TRAPPC10: variants seen among roughly 807,000 people sequenced by gnomAD.
TRAPPC10 encodes TRAPP 130 kDa subunit.
TRAPPC10 carries 23 observed loss-of-function variants against 125.5 expected under a neutral mutation model. That is an observed-to-expected ratio of 0.18 (90% CI 0.13 to 0.26). The LOEUF (loss-of-function observed/expected upper bound fraction) is 0.26, where lower values mean the gene tolerates loss of function less well. Ranked by LOEUF, TRAPPC10 falls within the 10% of genes least tolerant of loss-of-function variation. TRAPPC10 has a pLI of 1.00. For missense variants in TRAPPC10, 1,123 were observed against 1,308.4 expected, an observed-to-expected ratio of 0.86 and a Z score of 2.19; for synonymous variants, 509 against 518.0, an observed-to-expected ratio of 0.98 and a Z score of 0.24.
chr21:44,029,689 A>C (rs1256538384), intron 1 of TRAPPC10, among the ~76,000 whole-genome samples: 1 of 152,208 alleles, frequency 6.6e-6, no homozygotes, highest in Non-Finnish European at 1.5e-5. Context: ...GACCAGGTCC[A>C]GGCAGCCACA....
In TRAPPC10 at chr21:44,087,964, G is replaced by GCGTCCGC. The variant is rs2038260228; in HGVS notation, c.2769+39_2769+45dup. On this transcript the variant is annotated intron_variant, in intron 17 of 22. Transcript: ENST00000291574. The surrounding 1 kb of genome is among the most constrained non-coding windows in gnomAD (Gnocchi z 4.6). Reference sequence around the variant, plus strand: ...ACAGTGGAGGAGCTTAGCTTGTGGGGCGTCCGCCGCCCGCCTGCCTGCTGG... The same window carrying GCGTCCGC: ...ACAGTGGAGGAGCTTAGCTTGTGGGGCGTCCGCCGTCCGCCGCCCGCCTGCCTGCTGG... 2 of 1,553,164 alleles carry GCGTCCGC rather than the reference G, an allele frequency of 1.3e-6. No homozygotes were observed. Among genetic ancestry groups the GCGTCCGC allele is most frequent in the Admixed American group, 3.7e-5 (2 of 53,840 alleles).
rs1217793422 is a variant in TRAPPC10, at chr21:44,017,599, AT to A, written c.67+5040del. Among the ~76,000 whole-genome samples, 14 of 152,270 alleles carry A rather than the reference AT, an allele frequency of 9.2e-5. 1 individual carries two copies. In the East Asian group the frequency reaches 1.9e-3, roughly 21 times the overall value. ...CCTAACAAGAGCTGTTTGAAAAAAA[AT>A]ATATATAAGTTGGAAGAAAAAAATA... On this transcript the variant is annotated intron_variant, in intron 1 of 22. Coordinates refer to ENST00000291574, the MANE Select transcript of TRAPPC10 (RefSeq NM_003274.5).
intron 2 of TRAPPC10, among the ~76,000 whole-genome samples, chr21:44,036,960 A>C (rs1282538704): frequency 1.3e-5 from 2 of 152,340 alleles, no homozygotes; most frequent in Non-Finnish European, 1.5e-5. Context: ...AAACTTGATT[A>C]ATCTCCCAAA....
At position 44,016,808 on chromosome 21, in the gene TRAPPC10, G is replaced by A. The variant is rs533338476; in HGVS notation, c.67+4248G>A. 1.1e-4 allele frequency among the ~76,000 whole-genome samples: 16 copies of A among 152,194 alleles called. No homozygotes were observed. The South Asian group carries it at 1.9e-3, about 18-fold the overall frequency. ...CGAGTAGCTGGGACTACAGGCGCCC[G>A]CCACCACGCCTGGCTAATTTTTTGT... On this transcript the variant is annotated intron_variant, in intron 1 of 22. Transcript: ENST00000291574.
chr21:44,095,023 A>G (rs976008554), intron 20 of TRAPPC10, among the ~76,000 whole-genome samples: 1 of 148,670 alleles, frequency 6.7e-6, no homozygotes, highest in Admixed American at 6.7e-5. Flanking sequence ...AAATAATAGT[A>G]TATATTATAA....
intron 18 of TRAPPC10, 129 bp from the exon 19 acceptor site, chr21:44,091,794 A>G (rs2038599633): frequency 1.1e-6 from 1 of 910,432 alleles, no homozygotes; most frequent in Non-Finnish European, 1.6e-6. Flanking sequence ...AACTTATGCA[A>G]CAACTTAGCT....
Position 44,086,947 on chromosome 21 carries a change from C to T in TRAPPC10, c.2526C>T (p.Tyr842=), listed in dbSNP as rs1187174558. 4 of 1,614,100 alleles carry T rather than the reference C, an allele frequency of 2.5e-6. No homozygotes were observed. The East Asian group carries it at 8.9e-5, about 36-fold the overall frequency. The change falls in exon 16 of 23, where the codon TAC becomes TAT. Residue 842 remains tyrosine (Y), a synonymous_variant. Transcript: ENST00000291574. ...AGGCGGAGAGCAGGGCTGTGGTCTA[C>T]TCCAACACGAGAGGTGAGGTGCCGC... The part of the protein sequence containing the change: ...LCQAESRAVV[Y]SNTREQSSEA...
chr21:44,040,770 CT>C (rs57750878), intron 3 of TRAPPC10, among the ~76,000 whole-genome samples: 47,284 of 135,214 alleles, frequency 0.35, 12,287 homozygotes, highest in African/African-American at 0.75. Context: ...CCACGCCTGC[CT>C]TTTTTTTTTT....
intron 1 of TRAPPC10, among the ~76,000 whole-genome samples, chr21:44,027,259 C>T (rs868057055): frequency 1.8e-4 from 28 of 151,998 alleles, no homozygotes; most frequent in African/African-American, 5.8e-4. Flanking sequence ...TTTAGGAAAG[C>T]GACAAACTGA....
intron 3 of TRAPPC10, among the ~76,000 whole-genome samples, chr21:44,046,127 T>A (rs2034788543): frequency 6.6e-6 from 1 of 152,188 alleles, no homozygotes; most frequent in Non-Finnish European, 1.5e-5. Flanking sequence ...TGCTTCAGAA[T>A]CAATAGCTTC....
intron 1 of TRAPPC10, among the ~76,000 whole-genome samples, chr21:44,016,871 G>A (rs570049524): frequency 7.9e-5 from 12 of 152,212 alleles, no homozygotes; most frequent in Admixed American, 2.0e-4. Context: ...TGTCAGCCAG[G>A]ATGGTCTTGA....
chr21:44,030,627 C>T (rs191178733), intron 1 of TRAPPC10, among the ~76,000 whole-genome samples: 14 of 152,124 alleles, frequency 9.2e-5, no homozygotes, highest in Non-Finnish European at 1.8e-4. Context: ...CCACCACGCC[C>T]GGCTAATTTT....
At chr21:44,023,952 A>G (rs907226851) in intron 1 of TRAPPC10, among the ~76,000 whole-genome samples, 1 of 151,996 alleles carries the variant, frequency 6.6e-6, no homozygotes, top group Non-Finnish European at 1.5e-5. Flanking sequence ...CATCTGGCTA[A>G]TTTTTATATT....
At chr21:44,076,925 G>T (rs995128759) in intron 10 of TRAPPC10, among the ~76,000 whole-genome samples, 5 of 152,130 alleles carry the variant, frequency 3.3e-5, no homozygotes, top group Admixed American at 3.3e-4. Flanking sequence ...ACTTTTCTTT[G>T]TAAAAAGGAG....
chr21:44,061,695 G>C (rs1201688317), intron 6 of TRAPPC10, among the ~76,000 whole-genome samples: 1 of 152,178 alleles, frequency 6.6e-6, no homozygotes, highest in Admixed American at 6.5e-5. Context: ...TTTACACTGA[G>C]CACCAAATAG....
rs1377810109 is a variant in TRAPPC10, at chr21:44,063,574, T to G, written c.827T>G (p.Val276Gly). The G allele has an allele frequency of 6.2e-7, 1 of 1,614,158 alleles. No homozygotes were observed. Among genetic ancestry groups the G allele is most frequent in the African/African-American group, 1.3e-5 (1 of 75,032 alleles). Reference sequence around the variant, plus strand: ...TGGCTGACTTTTTTCTGCCAGCCAGTGAAGAGCTGGAACGGATTGATCCTC... The same window carrying G: ...TGGCTGACTTTTTTCTGCCAGCCAGGGAAGAGCTGGAACGGATTGATCCTC... ...ANWLTFFCQPVKSWNGLILRK... is the reference protein window; with the variant it reads ...ANWLTFFCQPGKSWNGLILRK... The change falls in exon 7 of 23, where the codon GTG becomes GGG. Residue 276 changes from valine (V) to glycine (G), a missense_variant. By Grantham distance (109) the Val-to-Gly change is moderately radical. This residue lies in a region of TRAPPC10 where 91 missense variants were observed against 127.1 expected (regional missense o/e 0.72). Transcript: ENST00000291574. The surrounding 1 kb of genome is among the most constrained non-coding windows in gnomAD (Gnocchi z 4.4).
rs1601700317 is a variant in TRAPPC10, at chr21:44,059,719, A to G, written c.790+505A>G. On this transcript the variant is annotated intron_variant, in intron 6 of 22. Transcript: ENST00000291574. The surrounding 1 kb of genome is among the most constrained non-coding windows in gnomAD (Gnocchi z 4.4). ...CCATACACAGAGAGAAACATTGGTT[A>G]TTGTCCTCAGTGTTTTTCGCTGATA... 2 of 489,800 alleles carry G rather than the reference A, an allele frequency of 4.1e-6. No individual in the cohort carries two copies. Among genetic ancestry groups the G allele is most frequent in the South Asian group, 4.3e-5 (1 of 23,000 alleles). The allele number at this position is 489,800 out of a possible 1,614,324, so 30.3% of individuals were successfully genotyped here. A position where few individuals can be genotyped will look rare whatever the true frequency, so the allele number is the denominator to read the frequency against.
chr21:44,070,432 C>A (rs771150645), intron 7 of TRAPPC10, among the ~76,000 whole-genome samples: 5 of 152,240 alleles, frequency 3.3e-5, no homozygotes, highest in Non-Finnish European at 5.9e-5. Flanking sequence ...GACGGTGAGG[C>A]CACCACCCGG....
chr21:44,032,026 C>G, intron 1 of TRAPPC10, 65 bp from the exon 2 acceptor site: 2 of 1,336,368 alleles, frequency 1.5e-6, no homozygotes, highest in East Asian at 4.6e-5. Flanking sequence ...TTATTAAGCT[C>G]TAGAGCCATT....
Sources: gnomAD v4.1 joint callset for allele counts (sites outside exome capture counted in the v4.1 genomes callset) on GRCh38, gnomAD v4.1.1 for gene constraint, gnomAD v4.1.1 regional missense constraint, Gnocchi (gnomAD v3.1) non-coding constraint, MANE v1.5 for transcripts, NCBI Gene and HGNC (gene_info 2026-07-23, HGNC 2026-07-21) for gene names.